PRICKLE2: variants seen among roughly 807,000 people sequenced by gnomAD.
The protein encoded by PRICKLE2 is prickle-like protein 2.
PRICKLE2 carries 21 observed loss-of-function variants against 81.4 expected under a neutral mutation model. The observed-to-expected ratio is 0.26, with a 90% confidence interval of 0.18 to 0.37. The LOEUF is 0.37. PRICKLE2 is among the 10% of genes least tolerant of loss of function. The pLI, the probability that PRICKLE2 is intolerant of heterozygous loss-of-function variation, is 1.00. For synonymous variants in PRICKLE2, 456 were observed against 421.5 expected (o/e 1.08, Z -1.00); for missense variants, 940 against 1,109.0 (o/e 0.85, Z 2.16).
At chr3:64,112,615 G>A (rs762712262) in intron 7 of PRICKLE2, among the ~76,000 whole-genome samples, 3 of 152,168 alleles carry the variant, frequency 2.0e-5, no homozygotes, top group Non-Finnish European at 4.4e-5. Context: ...TGTAGTTACA[G>A]GACAGACAAA....
At chr3:64,203,185 C>T (rs1260270795) in intron 1 of PRICKLE2, among the ~76,000 whole-genome samples, 1 of 152,138 alleles carries the variant, frequency 6.6e-6, no homozygotes, top group African/African-American at 2.4e-5. Flanking sequence ...AGACAGAATG[C>T]ACACCTTGGA....
chr3:64,231,855 G>C (rs1409273105), intron 2 of PRICKLE2, among the ~76,000 whole-genome samples: 1 of 152,174 alleles, frequency 6.6e-6, no homozygotes, highest in Non-Finnish European at 1.5e-5. Flanking sequence ...AATGATGCAA[G>C]GGTCCACAGC....
At chr3:64,195,745 AT>A (rs988531501) in intron 2 of PRICKLE2, among the ~76,000 whole-genome samples, 3 of 152,214 alleles carry the variant, frequency 2.0e-5, no homozygotes, top group African/African-American at 4.8e-5. Context: ...CAATTTACAA[AT>A]TTGAAGCCCA....
At chr3:64,120,665 G>A (rs1196672931) in intron 7 of PRICKLE2, among the ~76,000 whole-genome samples, 1 of 152,190 alleles carries the variant, frequency 6.6e-6, no homozygotes, top group Non-Finnish European at 1.5e-5. Context: ...GAACAGCAAA[G>A]GGTCTGGGGT....
chr3:64,178,604 A>T (rs2078064300), intron 2 of PRICKLE2, among the ~76,000 whole-genome samples: 1 of 152,246 alleles, frequency 6.6e-6, no homozygotes, highest in African/African-American at 2.4e-5. Context: ...TCCCTGCCAC[A>T]GCAGGGAAAG....
At chr3:64,223,420 T>A (rs1235469554) in intron 1 of PRICKLE2, among the ~76,000 whole-genome samples, 3 of 152,198 alleles carry the variant, frequency 2.0e-5, no homozygotes, top group Non-Finnish European at 2.9e-5. Flanking sequence ...TATCATCTCA[T>A]ACTATCTAAC....
intron 3 of PRICKLE2, among the ~76,000 whole-genome samples, chr3:64,162,349 C>A (rs1290436257): frequency 1.3e-5 from 2 of 152,080 alleles, no homozygotes; most frequent in African/African-American, 4.8e-5. Flanking sequence ...GCATAATGAT[C>A]TTTGAAAACC....
At chr3:64,214,999 C>G (rs2078850111) in intron 1 of PRICKLE2, among the ~76,000 whole-genome samples, 1 of 152,076 alleles carries the variant, frequency 6.6e-6, no homozygotes. Context: ...ACTACAATAG[C>G]CTACTTCTTA....
chr3:64,262,016 T>C (rs704412), intron 2 of PRICKLE2, among the ~76,000 whole-genome samples: 1 of 152,030 alleles, frequency 6.6e-6, no homozygotes, highest in African/African-American at 2.4e-5. Context: ...ATCTTTTCTA[T>C]CATATTTTTT....
intron 2 of PRICKLE2, among the ~76,000 whole-genome samples, chr3:64,258,481 A>AT (rs1451422455): frequency 1.3e-5 from 2 of 152,186 alleles, no homozygotes; most frequent in Non-Finnish European, 2.9e-5. Context: ...TACATATTGT[A>AT]TAATTCCCTT....
intron 1 of PRICKLE2, chr3:64,201,096 A>AT (rs1443646737): frequency 1.3e-5 from 2 of 150,838 alleles, no homozygotes; most frequent in African/African-American, 4.9e-5. Flanking sequence ...TGCCTAGCTA[A>AT]TTTTTTGTAT....
chr3:64,141,540 A>T (rs1229204886), intron 7 of PRICKLE2, among the ~76,000 whole-genome samples: 1 of 152,250 alleles, frequency 6.6e-6, no homozygotes. Context: ...AGGCATGTTT[A>T]GGGGCTGGCA....
chr3:64,218,096 T>A (rs902974199), intron 1 of PRICKLE2, among the ~76,000 whole-genome samples: 3 of 152,150 alleles, frequency 2.0e-5, no homozygotes, highest in African/African-American at 7.2e-5. Flanking sequence ...CCAAGACGGA[T>A]AATGAACTGG....
intron 2 of PRICKLE2, among the ~76,000 whole-genome samples, chr3:64,264,896 C>G (rs1298356154): frequency 1.3e-5 from 2 of 152,094 alleles, no homozygotes; most frequent in Non-Finnish European, 2.9e-5. Flanking sequence ...ACAAGGATTT[C>G]TCTACACAGG....
chr3:64,193,115 G>A (rs769246843), intron 2 of PRICKLE2, among the ~76,000 whole-genome samples: 24 of 152,126 alleles, frequency 1.6e-4, no homozygotes, highest in Non-Finnish European at 2.2e-4. Flanking sequence ...CAGAAATTAC[G>A]CTTATGGAAA....
At chr3:64,262,036 T>G (rs1434227845) in intron 2 of PRICKLE2, among the ~76,000 whole-genome samples, 3 of 152,190 alleles carry the variant, frequency 2.0e-5, no homozygotes, top group African/African-American at 7.2e-5. Flanking sequence ...TACAGAGGTG[T>G]GATTTACATA....
rs1003536145 is a variant in PRICKLE2 at position 64,144,851 on chromosome 3, C to T, written c.1660+1979G>A. Among the ~76,000 whole-genome samples, 4 of 152,156 alleles carry T rather than the reference C, an allele frequency of 2.6e-5. No individual in the cohort carries two copies. In the East Asian group the frequency reaches 7.7e-4, roughly 29 times the overall value. On this transcript the variant is annotated intron_variant, in intron 7 of 7. Transcript: ENST00000638394. ...ATAAGACAAGCCTGCTGAAAACGCA[C>T]TTGGATGGCACCGCAACATCGAACT...
At chr3:64,258,837 AAAAAAAAAAAAGAAAGAAAGAAAG>A (rs1559608323) in intron 2 of PRICKLE2, among the ~76,000 whole-genome samples, 5 of 55,718 alleles carry the variant, frequency 9.0e-5, no homozygotes, top group African/African-American at 2.3e-4. Context: ...AAAAAAAAAA[AAAAAAAAAAAAGAAAGAAAGAAAG>A]AAAGAAAGAA....
At chr3:64,188,476 G>T (rs1238424280) in intron 2 of PRICKLE2, among the ~76,000 whole-genome samples, 1 of 152,138 alleles carries the variant, frequency 6.6e-6, no homozygotes, top group East Asian at 1.9e-4. Flanking sequence ...TGGTTTATTT[G>T]GTCTGGGGCA....
Sources: allele counts gnomAD v4.1 joint callset (sites outside exome capture counted in the v4.1 genomes callset), GRCh38; gene constraint gnomAD v4.1.1; transcripts MANE v1.5; gene names NCBI Gene and HGNC (gene_info 2026-07-23, HGNC 2026-07-21).